GAREM1: variants seen among roughly 807,000 people sequenced by gnomAD.
GAREM1 encodes the protein GRB2-associated and regulator of MAPK protein 1.
A neutral mutation model predicts 71.3 loss-of-function variants in GAREM1; 26 were observed. The observed-to-expected ratio is 0.36, with a 90% CI of 0.27 to 0.51. The LOEUF is 0.51. Among genes scored for constraint, GAREM1 ranks in the 20% least tolerant of loss-of-function variants. The pLI is 0.95. For missense variants in GAREM1, 1,026 were observed against 1,103.1 expected (o/e 0.93, Z 0.99); for synonymous variants, 440 against 433.2 (o/e 1.02, Z -0.20).
At chr18:32,328,021 G>C (rs545803909) in intron 2 of GAREM1, among the ~76,000 whole-genome samples, 2 of 152,028 alleles carry the variant, frequency 1.3e-5, no homozygotes, top group Non-Finnish European at 2.9e-5. Flanking sequence ...TTCCATAAGA[G>C]AATTAAATAT....
chr18:32,442,876 C>G (rs2048752710), intron 1 of GAREM1, among the ~76,000 whole-genome samples: 1 of 152,158 alleles, frequency 6.6e-6, no homozygotes. Flanking sequence ...ACTACACTGA[C>G]TTGTATTTGC....
intron 1 of GAREM1, among the ~76,000 whole-genome samples, chr18:32,408,702 C>T (rs1031501002): frequency 1.3e-5 from 2 of 152,142 alleles, no homozygotes; most frequent in African/African-American, 4.8e-5. Flanking sequence ...ACATGCAGCA[C>T]AGAAATTCTA....
At chr18:32,393,079 T>G (rs771806218) in intron 1 of GAREM1, 44 bp from the exon 2 acceptor site, 2 of 1,581,592 alleles carry the variant, frequency 1.3e-6, no homozygotes, top group Non-Finnish European at 1.7e-6. Context: ...ATTCATAATC[T>G]GCTTTCTCCA....
At chr18:32,395,847 G>A (rs1440101974) in intron 1 of GAREM1, among the ~76,000 whole-genome samples, 1 of 152,178 alleles carries the variant, frequency 6.6e-6, no homozygotes, top group Non-Finnish European at 1.5e-5. Context: ...TGAGATATGA[G>A]AATGGACAGA....
intron 1 of GAREM1, among the ~76,000 whole-genome samples, chr18:32,444,209 CTG>C (rs1156833157): frequency 1.3e-5 from 2 of 152,170 alleles, no homozygotes; most frequent in Non-Finnish European, 1.5e-5. Flanking sequence ...TTGCACAACT[CTG>C]AATATACTGA....
intron 2 of GAREM1, among the ~76,000 whole-genome samples, chr18:32,387,908 G>A (rs1039298882): frequency 3.3e-5 from 5 of 152,186 alleles, no homozygotes; most frequent in African/African-American, 1.2e-4. Context: ...AAATATGCAT[G>A]AATGGAGCTG....
At chr18:32,326,181 A>G (rs2047473382) in intron 2 of GAREM1, among the ~76,000 whole-genome samples, 1 of 152,192 alleles carries the variant, frequency 6.6e-6, no homozygotes, top group Non-Finnish European at 1.5e-5. Context: ...TGCAGAAGGT[A>G]TTCAGGGTGG....
At position 32,267,986 on chromosome 18, in the gene GAREM1, T is replaced by C. The variant is rs2041398383; in HGVS notation, c.2516A>G (p.Asp839Gly). 4.3e-6 allele frequency: 7 copies of C among 1,613,950 alleles called. No homozygotes were observed. The highest frequency in any genetic ancestry group is 5.9e-6 in the Non-Finnish European group (7 of 1,179,948). ...VISFFVTEKI[D>G]GNLLVQLTEE... Reference sequence around the variant, plus strand: ...CGTTAGCTGAACAAGCAGGTTCCCATCAATCTTTTCAGTAACAAAGAATGA... The same window carrying C: ...CGTTAGCTGAACAAGCAGGTTCCCACCAATCTTTTCAGTAACAAAGAATGA... Residue 839 changes from aspartate (D) to glycine (G), a missense_variant, in exon 6 of 6, where the codon GAT (aspartate) becomes GGT (glycine). Coordinates refer to ENST00000269209, the MANE Select transcript of GAREM1 (RefSeq NM_001242409.2).
intron 2 of GAREM1, among the ~76,000 whole-genome samples, chr18:32,322,970 G>GTCTCC (rs2047444125): frequency 6.6e-6 from 1 of 152,208 alleles, no homozygotes; most frequent in Admixed American, 6.5e-5. Flanking sequence ...TGAAGAGTAG[G>GTCTCC]TGTTTAGAGC....
chr18:32,354,260 T>C (rs529959016), intron 2 of GAREM1, among the ~76,000 whole-genome samples: 4 of 152,304 alleles, frequency 2.6e-5, no homozygotes, highest in South Asian at 2.1e-4. Context: ...ATAACTTAGT[T>C]TGAAAGTATG....
chr18:32,316,442 C>A (rs1021851335), intron 2 of GAREM1, among the ~76,000 whole-genome samples: 1 of 151,986 alleles, frequency 6.6e-6, no homozygotes, highest in African/African-American at 2.4e-5. Flanking sequence ...TATTGAAAAC[C>A]AAATACTACC....
At chr18:32,345,035 C>T (rs1296551371) in intron 2 of GAREM1, among the ~76,000 whole-genome samples, 1 of 152,070 alleles carries the variant, frequency 6.6e-6, no homozygotes, top group Non-Finnish European at 1.5e-5. Context: ...GCACTCCAGC[C>T]TGGGCGAAAG....
Position 32,270,389 on chromosome 18 carries a change from G to A in GAREM1, c.1567-6C>T, listed in dbSNP as rs199737045. ...AGCCGGCATTCTTCTCTGACCTGGC[G>A]CAGAAAAGAACACTCCAGGTTAGCA... On this transcript the variant is annotated splice_region_variant and splice_polypyrimidine_tract_variant and intron_variant, in intron 4 of 5. Transcript: ENST00000269209. 129 of 1,607,660 alleles carry A rather than the reference G, an allele frequency of 8.0e-5. No homozygotes were observed. The African/African-American group carries it at 1.4e-3, about 17-fold the overall frequency.
chr18:32,435,059 C>T (rs1295889831), intron 1 of GAREM1, among the ~76,000 whole-genome samples: 1 of 152,052 alleles, frequency 6.6e-6, no homozygotes, highest in Non-Finnish European at 1.5e-5. Context: ...CAATAATACA[C>T]AACCTCAACA....
intron 4 of GAREM1, among the ~76,000 whole-genome samples, chr18:32,282,496 A>G (rs618862): frequency 0.36 from 55,069 of 152,072 alleles, 11,217 homozygotes; most frequent in African/African-American, 0.55. Flanking sequence ...ACTGCCACAC[A>G]AATGGTTTTA....
Position 32,271,250 on chromosome 18 carries a change from C to T in GAREM1, c.1567-867G>A, listed in dbSNP as rs551365066. Among the ~76,000 whole-genome samples the T allele has an allele frequency of 1.4e-3, 214 of 152,048 alleles. 1 individual carries two copies. The highest frequency in any genetic ancestry group is 4.2e-3 in the African/African-American group (173 of 41,450). On this transcript the variant is annotated intron_variant, in intron 4 of 5. Transcript: ENST00000269209. ...CTCTGTTGCCCATGTTGGAGTGCAG[C>T]GGCACCATCTTGGCTCACTGCAACC... is the stretch of plus-strand genomic sequence containing the variant.
rs2041355377 is a variant in GAREM1 at position 32,265,129 on chromosome 18, C to T, written c.*2742G>A. On this transcript the variant is annotated 3_prime_UTR_variant, in exon 6 of 6. Coordinates refer to ENST00000269209, the MANE Select transcript of GAREM1 (RefSeq NM_001242409.2). Reference sequence around the variant, plus strand: ...CATGATTCTCTTGGAGCTATGAATGCTCTGTCCAGTCAGGACACCAAGGTC... The same window carrying T: ...CATGATTCTCTTGGAGCTATGAATGTTCTGTCCAGTCAGGACACCAAGGTC... The T allele has an allele frequency of 6.6e-6, 1 of 152,242 alleles. No individual in the cohort carries two copies. Among genetic ancestry groups the T allele is most frequent in the Non-Finnish European group, 1.5e-5 (1 of 68,056 alleles). The allele number at this position is 152,242 out of a possible 1,614,324, so 9.4% of individuals were successfully genotyped here. A position where few individuals can be genotyped will look rare whatever the true frequency, so the allele number is the denominator to read the frequency against.
intron 3 of GAREM1, among the ~76,000 whole-genome samples, chr18:32,302,161 T>C (rs1191057893): frequency 2.0e-5 from 3 of 152,142 alleles, no homozygotes; most frequent in East Asian, 1.9e-4. Context: ...GGTGACTGGA[T>C]TGTATTAGGA....
rs1269991891 is a variant in GAREM1, at chr18:32,380,240, C to T, written c.262+12655G>A. ...CCTGTAATCCTAGCACTTTGGGAGGCCGAAGCAGGGGGATCACCTGAAGTC... is the reference window on the plus strand; with the variant it reads ...CCTGTAATCCTAGCACTTTGGGAGGTCGAAGCAGGGGGATCACCTGAAGTC... On this transcript the variant is annotated intron_variant, in intron 2 of 5. Transcript: ENST00000269209. Among the ~76,000 whole-genome samples the T allele has an allele frequency of 8.5e-5, 13 of 152,048 alleles. 1 individual carries two copies. The highest frequency in any genetic ancestry group is 8.5e-4 in the Admixed American group (13 of 15,268).
Sources: gnomAD v4.1 joint callset for allele counts (sites outside exome capture counted in the v4.1 genomes callset) on GRCh38, gnomAD v4.1.1 for gene constraint, MANE v1.5 for transcripts, NCBI Gene and HGNC (gene_info 2026-07-23, HGNC 2026-07-21) for gene names.